ALDH1L1: variants seen among roughly 807,000 people sequenced by gnomAD.
ALDH1L1 encodes aldehyde dehydrogenase 1 family member L1.
In ALDH1L1, 68 loss-of-function variants were observed where a neutral mutation model predicts 101.1. The observed-to-expected ratio is 0.67, with a 90% CI of 0.55 to 0.82. The LOEUF (loss-of-function observed/expected upper bound fraction) is 0.82, where lower values mean the gene tolerates loss of function less well. ALDH1L1 is among the 40% of genes least tolerant of loss of function. The pLI is 0.00. For synonymous variants in ALDH1L1, 486 were observed against 470.8 expected (o/e 1.03, Z -0.42); for missense variants, 1,087 against 1,172.7 (o/e 0.93, Z 1.07).
At chr3:126,176,678 C>T (rs1353305423) in intron 1 of ALDH1L1, among the ~76,000 whole-genome samples, 1 of 152,048 alleles carries the variant, frequency 6.6e-6, no homozygotes, top group Non-Finnish European at 1.5e-5. Context: ...TTTTTAGATA[C>T]AACAACAACA....
intron 1 of ALDH1L1, among the ~76,000 whole-genome samples, chr3:126,161,900 A>T (rs1460439744): frequency 6.6e-6 from 1 of 151,812 alleles, no homozygotes; most frequent in Non-Finnish European, 1.5e-5. Context: ...ACCAAGAATG[A>T]TGGGACTTCT....
intron 17 of ALDH1L1, among the ~76,000 whole-genome samples, chr3:126,116,844 A>G (rs1182196524): frequency 6.6e-6 from 1 of 151,694 alleles, no homozygotes; most frequent in African/African-American, 2.4e-5. Context: ...GACCCAAGGC[A>G]TGGGTGTGGC....
intron 1 of ALDH1L1, among the ~76,000 whole-genome samples, chr3:126,174,249 C>T (rs1202785930): frequency 6.6e-6 from 1 of 152,184 alleles, no homozygotes; most frequent in East Asian, 1.9e-4. Flanking sequence ...AGGCTGGTCT[C>T]GCACTCCTGA....
At chr3:126,113,205 C>T (rs943269709) in intron 18 of ALDH1L1, among the ~76,000 whole-genome samples, 1 of 152,228 alleles carries the variant, frequency 6.6e-6, no homozygotes, top group African/African-American at 2.4e-5. Flanking sequence ...GACCCTCCTG[C>T]ACCCTGGGTG....
In ALDH1L1 at chr3:126,154,686, C is replaced by T. The variant is rs367937673; in HGVS notation, c.631-43G>A. The T allele has an allele frequency of 2.7e-5, 42 of 1,572,370 alleles. No individual in the cohort carries two copies. The African/African-American group carries it at 4.7e-4, about 18-fold the overall frequency. ...TGTGTGCTCAGCTGGTCTCTCCTCACTCCCCTCCCACCCTGATGACATCTG... is the reference window on the plus strand; with the variant it reads ...TGTGTGCTCAGCTGGTCTCTCCTCATTCCCCTCCCACCCTGATGACATCTG... On this transcript the variant is annotated intron_variant, in intron 5 of 22. Coordinates refer to ENST00000393434, the MANE Select transcript of ALDH1L1 (RefSeq NM_012190.4).
At chr3:126,107,362 C>T (rs1487812570) in intron 20 of ALDH1L1, 116 bp from the exon 21 acceptor site, 21 of 799,144 alleles carry the variant, frequency 2.6e-5, no homozygotes, top group Middle Eastern at 3.0e-4. Context: ...GACATAAGCA[C>T]CGGGTCACGG....
At position 126,124,395 on chromosome 3, in the gene ALDH1L1, G is replaced by A. The variant is rs1454637113; in HGVS notation, c.1857C>T (p.Pro619=). 1.2e-6 allele frequency: 2 copies of A among 1,612,594 alleles called. No homozygotes were observed. The highest frequency in any genetic ancestry group is 2.7e-5 in the African/African-American group (2 of 74,820). Residue 619 remains proline (P), a synonymous_variant, in exon 16 of 23, where the codon CCC becomes CCT. Transcript: ENST00000393434. Reference sequence around the variant, plus strand: ...CTGGGAGGACGTTAACCACACCTTTGGGAATGCCGGCCTTTAATGTCAGCT... The same window carrying A: ...CTGGGAGGACGTTAACCACACCTTTAGGAATGCCGGCCTTTAATGTCAGCT... ...FAELTLKAGI[P]KGVVNVLPGS...
At chr3:126,120,674 T>C (rs962660857) in intron 16 of ALDH1L1, among the ~76,000 whole-genome samples, 1 of 152,128 alleles carries the variant, frequency 6.6e-6, no homozygotes, top group Non-Finnish European at 1.5e-5. Context: ...ATATTAGTAG[T>C]GGAGGGCTGT....
intron 1 of ALDH1L1, among the ~76,000 whole-genome samples, chr3:126,168,805 T>A (rs1559971888): frequency 6.6e-6 from 1 of 152,172 alleles, no homozygotes; most frequent in African/African-American, 2.4e-5. Flanking sequence ...TCCAAAACTG[T>A]ATGGGATGTC....
At chr3:126,154,766 A>G (rs1037609230) in intron 5 of ALDH1L1, 123 bp from the exon 6 acceptor site, 1 of 811,226 alleles carries the variant, frequency 1.2e-6, no homozygotes, top group African/African-American at 1.7e-5. Context: ...CCTCTTAGAC[A>G]CTTGCAGGAG....
intron 14 of ALDH1L1, 65 bp from the exon 15 acceptor site, chr3:126,125,786 T>G: frequency 8.6e-7 from 1 of 1,169,252 alleles, no homozygotes; most frequent in Non-Finnish European, 1.2e-6. Context: ...GACCTGCCAA[T>G]TCCCTCCACC....
intron 1 of ALDH1L1, among the ~76,000 whole-genome samples, chr3:126,172,113 C>A (rs1264955046): frequency 6.6e-6 from 1 of 152,158 alleles, no homozygotes; most frequent in African/African-American, 2.4e-5. Flanking sequence ...AAATATCAAA[C>A]CTCACACTAA....
chr3:126,150,681 G>A (rs1347086534), intron 7 of ALDH1L1, 150 bp from the exon 8 acceptor site: 3 of 910,108 alleles, frequency 3.3e-6, no homozygotes, highest in Non-Finnish European at 4.7e-6. Context: ...CAGCCCTCCT[G>A]AATAGCTGGG....
chr3:126,155,567 G>T, intron 4 of ALDH1L1, 64 bp from the exon 5 acceptor site: 1 of 1,450,978 alleles, frequency 6.9e-7, no homozygotes, highest in Non-Finnish European at 9.4e-7. Flanking sequence ...CAGCCCCAGG[G>T]CCCACATTGA....
chr3:126,114,459 C>T (rs1335341451), intron 18 of ALDH1L1, 98 bp downstream of exon 18: 4 of 991,746 alleles, frequency 4.0e-6, no homozygotes, highest in East Asian at 5.4e-5. Context: ...CAGGGCTACA[C>T]GTGTGAGTGT....
chr3:126,104,148 C>T (rs950944150), intron 22 of ALDH1L1: 7 of 475,208 alleles, frequency 1.5e-5, no homozygotes, highest in Admixed American at 1.1e-4. Flanking sequence ...GGTGGAGAGA[C>T]TTGGCGTTAC....
chr3:126,153,682 A>C, intron 6 of ALDH1L1, 101 bp from the exon 7 acceptor site: 1 of 1,447,678 alleles, frequency 6.9e-7, no homozygotes, highest in Non-Finnish European at 9.2e-7. Flanking sequence ...GAGAGGGGCC[A>C]GGGGTAGCTG....
At chr3:126,117,954 C>G in intron 17 of ALDH1L1, 51 bp downstream of exon 17, 2 of 1,525,166 alleles carry the variant, frequency 1.3e-6, no homozygotes, top group Non-Finnish European at 1.8e-6. Context: ...CTGCCATGTC[C>G]CAGGCGCAGC....
intron 20 of ALDH1L1, among the ~76,000 whole-genome samples, chr3:126,109,104 G>A (rs1367530023): frequency 6.6e-6 from 1 of 152,194 alleles, no homozygotes; most frequent in African/African-American, 2.4e-5. Context: ...ATTTAAATGA[G>A]GGTCACAGAA....
Sources: allele counts gnomAD v4.1 joint callset (sites outside exome capture counted in the v4.1 genomes callset), GRCh38; gene constraint gnomAD v4.1.1; transcripts MANE v1.5; gene names NCBI Gene and HGNC (gene_info 2026-07-23, HGNC 2026-07-21).